The following CNTNAP5 variants were observed in gnomAD, a reference collection of about 807,000 sequenced individuals.
The protein encoded by CNTNAP5 is contactin associated protein family member 5, also known as contactin-associated protein-like 5.
A neutral mutation model predicts 150.2 loss-of-function variants in CNTNAP5; 72 were observed. The observed-to-expected ratio is 0.48, with a 90% CI of 0.40 to 0.58. CNTNAP5 has a LOEUF of 0.58. Ranked by LOEUF, CNTNAP5 falls within the 20% of genes least tolerant of loss-of-function variation. The pLI, the probability that CNTNAP5 is intolerant of heterozygous loss-of-function variation, is 0.00. For synonymous variants in CNTNAP5, 672 were observed against 619.8 expected (o/e 1.08, Z -1.25); for missense variants, 1,636 against 1,626.2 (o/e 1.01, Z -0.10).
chr2:124,684,389 C>T (rs1387841889), intron 13 of CNTNAP5, among the ~76,000 whole-genome samples: 2 of 152,068 alleles, frequency 1.3e-5, no homozygotes, highest in East Asian at 1.9e-4. Context: ...CCAACCATTT[C>T]TTCATTTATT....
intron 10 of CNTNAP5, among the ~76,000 whole-genome samples, chr2:124,560,181 G>A (rs550640770): frequency 2.3e-4 from 35 of 152,162 alleles, no homozygotes; most frequent in African/African-American, 7.9e-4. Context: ...CCAACATGCC[G>A]AAGTAGATTT....
At chr2:124,773,941 TGTGTGTGAGAGAGA>T (rs1238976421) in intron 17 of CNTNAP5, among the ~76,000 whole-genome samples, 25 of 145,672 alleles carry the variant, frequency 1.7e-4, no homozygotes, top group African/African-American at 5.8e-4. Flanking sequence ...TGTGTGTGTG[TGTGTGTGAGAGAGA>T]GAGAGAGAGA....
rs1325451677 is a variant in CNTNAP5, at chr2:124,058,275, TA to T, written c.82+32545del. Among the ~76,000 whole-genome samples the T allele has an allele frequency of 2.0e-5, 3 of 152,288 alleles. No individual in the cohort carries two copies. In the East Asian group the frequency reaches 5.8e-4, roughly 29 times the overall value. Reference sequence around the variant, plus strand: ...ATGGAATGTTATATAAGGTTTTGCATAATCCAGCTTTTGACTGTCTCTCCAG... The same window carrying T: ...ATGGAATGTTATATAAGGTTTTGCATATCCAGCTTTTGACTGTCTCTCCAG... On this transcript the variant is annotated intron_variant, in intron 1 of 23. Transcript: ENST00000682447.
intron 12 of CNTNAP5, among the ~76,000 whole-genome samples, chr2:124,626,773 C>G (rs552445079): frequency 3.1e-4 from 47 of 152,288 alleles, no homozygotes; most frequent in African/African-American, 1.1e-3. Context: ...CAGCAGGTCC[C>G]ACTTCCATGG....
intron 19 of CNTNAP5, among the ~76,000 whole-genome samples, chr2:124,840,883 G>A (rs1297124786): frequency 6.6e-6 from 1 of 152,040 alleles, no homozygotes; most frequent in Non-Finnish European, 1.5e-5. Context: ...CAGAAGCAAG[G>A]AAAACATGAG....
chr2:124,856,853 T>C (rs912512802), intron 19 of CNTNAP5, among the ~76,000 whole-genome samples: 22 of 152,184 alleles, frequency 1.4e-4, no homozygotes, highest in African/African-American at 5.1e-4. Context: ...GAGTCTAACA[T>C]TGATCAACTT....
At chr2:124,295,877 C>T (rs1427663138) in intron 3 of CNTNAP5, among the ~76,000 whole-genome samples, 2 of 152,138 alleles carry the variant, frequency 1.3e-5, no homozygotes, top group African/African-American at 4.8e-5. Flanking sequence ...TTGATTTTCA[C>T]TCAACCTTTT....
At chr2:124,396,252 C>G (rs1444965352) in intron 3 of CNTNAP5, among the ~76,000 whole-genome samples, 2 of 152,154 alleles carry the variant, frequency 1.3e-5, no homozygotes, top group African/African-American at 4.8e-5. Context: ...ACTATTTAAA[C>G]TTGGGAGTGA....
intron 5 of CNTNAP5, among the ~76,000 whole-genome samples, chr2:124,436,343 G>A (rs2104796518): frequency 6.6e-6 from 1 of 152,250 alleles, no homozygotes; most frequent in Non-Finnish European, 1.5e-5. Context: ...AAATAGCATA[G>A]GTGTGGTCAT....
intron 4 of CNTNAP5, among the ~76,000 whole-genome samples, chr2:124,419,152 A>AAAAACAAAAAAAC (rs1692013409): frequency 2.5e-5 from 3 of 121,024 alleles, no homozygotes; most frequent in African/African-American, 8.5e-5. Flanking sequence ...AAAAAAAAAA[A>AAAAACAAAAAAAC]AAAAAAAAAA....
At chr2:124,295,852 T>A (rs1433660968) in intron 3 of CNTNAP5, among the ~76,000 whole-genome samples, 1 of 152,220 alleles carries the variant, frequency 6.6e-6, no homozygotes, top group Non-Finnish European at 1.5e-5. Context: ...GCAGTTACCA[T>A]CATTCTGACT....
intron 3 of CNTNAP5, among the ~76,000 whole-genome samples, chr2:124,288,965 G>T (rs910909650): frequency 6.6e-6 from 1 of 152,186 alleles, no homozygotes; most frequent in Non-Finnish European, 1.5e-5. Flanking sequence ...GTTAAACAAA[G>T]ATGCCTTTTT....
Position 124,821,009 on chromosome 2 carries a change from T to C in CNTNAP5, c.3217+22689T>C, listed in dbSNP as rs781737895. Among the ~76,000 whole-genome samples, 68 of 152,222 alleles carry C rather than the reference T, an allele frequency of 4.5e-4. 1 individual carries two copies. Among genetic ancestry groups the C allele is most frequent in the Admixed American group, 2.4e-3 (36 of 15,282 alleles). The stretch of plus-strand genomic sequence containing the variant: ...CTCACAGTTTGTGCTCACAGGCTCT[T>C]TGTCAAAGGAAGTTGGAGGGTTATT... On this transcript the variant is annotated intron_variant, in intron 19 of 23. Transcript: ENST00000682447.
At chr2:124,791,141 A>G (rs1336010775) in intron 18 of CNTNAP5, among the ~76,000 whole-genome samples, 3 of 152,214 alleles carry the variant, frequency 2.0e-5, no homozygotes. Flanking sequence ...TTACAAAGCA[A>G]TGGTTTATTT....
intron 1 of CNTNAP5, among the ~76,000 whole-genome samples, chr2:124,185,921 G>T (rs1432850800): frequency 2.0e-5 from 3 of 152,172 alleles, no homozygotes; most frequent in East Asian, 1.9e-4. Flanking sequence ...TATGTTAATG[G>T]ATATATTCAA....
chr2:124,446,179 G>A (rs945085907), intron 5 of CNTNAP5, among the ~76,000 whole-genome samples: 2 of 152,142 alleles, frequency 1.3e-5, no homozygotes, highest in African/African-American at 4.8e-5. Context: ...CTGAGCCTCA[G>A]AGTTCTTATT....
At chr2:124,026,565 G>A (rs1441107114) in intron 1 of CNTNAP5, among the ~76,000 whole-genome samples, 1 of 152,194 alleles carries the variant, frequency 6.6e-6, no homozygotes, top group Non-Finnish European at 1.5e-5. Context: ...GAGAGGTTCA[G>A]GCTCAATTCC....
At chr2:124,718,061 C>G (rs1418106123) in intron 13 of CNTNAP5, among the ~76,000 whole-genome samples, 1 of 152,140 alleles carries the variant, frequency 6.6e-6, no homozygotes, top group African/African-American at 2.4e-5. Flanking sequence ...CACACCAGTT[C>G]TTACATTTCT....
At chr2:124,865,094 C>T (rs1056452519) in intron 19 of CNTNAP5, among the ~76,000 whole-genome samples, 1 of 149,592 alleles carries the variant, frequency 6.7e-6, no homozygotes, top group African/African-American at 2.4e-5. Context: ...CACACACACT[C>T]TCTCTCTCTC....
Sources: allele counts gnomAD v4.1 joint callset (sites outside exome capture counted in the v4.1 genomes callset), GRCh38; gene constraint gnomAD v4.1.1; transcripts MANE v1.5; gene names NCBI Gene and HGNC (gene_info 2026-07-23, HGNC 2026-07-21).